Variants in VCL observed in about 807,000 individuals in gnomAD.
The protein encoded by VCL is vinculin, also known as epididymis luminal protein 114.
In VCL, 47 loss-of-function variants were observed where a neutral mutation model predicts 125.7. That is an observed-to-expected ratio of 0.37 (90% confidence interval 0.30 to 0.48). The LOEUF is 0.48. VCL is among the 20% of genes least tolerant of loss of function. The probability of loss-of-function intolerance (pLI) is 0.99; values close to 1 mark genes in which losing one functional copy is unlikely to be tolerated. For missense variants in VCL, 1,069 were observed against 1,455.5 expected (o/e 0.73, Z 4.32); for synonymous variants, 458 against 514.6 (o/e 0.89, Z 1.49).
At chr10:74,056,070 A>G (rs1235160716) in intron 2 of VCL, among the ~76,000 whole-genome samples, 1 of 152,038 alleles carries the variant, frequency 6.6e-6, no homozygotes, top group East Asian at 1.9e-4. Context: ...TCAGTTATCA[A>G]TTGACTTGGA....
At chr10:74,088,754 TA>T (rs533748509) in intron 8 of VCL, among the ~76,000 whole-genome samples, 135 of 152,326 alleles carry the variant, frequency 8.9e-4, no homozygotes, top group African/African-American at 3.2e-3. Flanking sequence ...TCATTAACAC[TA>T]TGCGTGCTTC....
Position 74,076,946 on chromosome 10 carries a change from T to C in VCL, c.783+2043T>C, listed in dbSNP as rs534557180. The C allele has an allele frequency of 2.0e-5, 3 of 152,784 alleles. No individual in the cohort carries two copies. The South Asian group carries it at 6.2e-4, about 32-fold the overall frequency. The allele number at this position is 152,784 out of a possible 1,614,324, so 9.5% of individuals were successfully genotyped here. A position where few individuals can be genotyped will look rare whatever the true frequency, so the allele number is the denominator to read the frequency against. ...AGTGAATAAATGTTATTGAACTTTATTTTGTGCAAGTGCCATCAAGAGCTG... is the reference window on the plus strand; with the variant it reads ...AGTGAATAAATGTTATTGAACTTTACTTTGTGCAAGTGCCATCAAGAGCTG... On this transcript the variant is annotated intron_variant, in intron 6 of 21. Transcript: ENST00000211998.
intron 1 of VCL, among the ~76,000 whole-genome samples, chr10:74,031,244 A>C (rs1295136481): frequency 6.6e-6 from 1 of 151,554 alleles, no homozygotes; most frequent in South Asian, 2.1e-4. Flanking sequence ...TGCTTCCCCC[A>C]CCACCCCCCT....
chr10:74,116,219 C>A (rs1391573806), intron 21 of VCL, among the ~76,000 whole-genome samples: 1 of 152,210 alleles, frequency 6.6e-6, no homozygotes, highest in Non-Finnish European at 1.5e-5. Context: ...ATAAGGCGGC[C>A]ATTCTTCTTG....
At position 74,082,337 on chromosome 10, in the gene VCL, G is replaced by A. The variant is rs1041390995; in HGVS notation, c.784-117G>A. On this transcript the variant is annotated intron_variant, in intron 6 of 21. Transcript: ENST00000211998. ...TGGTGACAATATTTTTAAGGCCTTC[G>A]TAGGACTGACTACCTTAGCTATGTA... The A allele has an allele frequency of 1.3e-5, 14 of 1,063,782 alleles. No homozygotes were observed. The South Asian group carries it at 1.3e-4, about 10-fold the overall frequency. 65.9% of individuals were successfully genotyped at this position (1,063,782 alleles called of 1,614,324 possible). A position where few individuals can be genotyped will look rare whatever the true frequency, so the allele number is the denominator to read the frequency against.
chr10:74,033,919 T>C (rs1840928293), intron 1 of VCL, among the ~76,000 whole-genome samples: 1 of 152,184 alleles, frequency 6.6e-6, no homozygotes, highest in Non-Finnish European at 1.5e-5. Context: ...CTGCCTTTTT[T>C]ACACCTGCCC....
intron 1 of VCL, 32 bp from the exon 2 acceptor site, chr10:74,043,051 T>C: frequency 6.3e-7 from 1 of 1,581,698 alleles, no homozygotes; most frequent in East Asian, 2.2e-5. Flanking sequence ...TGAGAATTTA[T>C]ATTTGAATTA....
chr10:74,048,329 G>A (rs1304811408), intron 2 of VCL, among the ~76,000 whole-genome samples: 1 of 152,064 alleles, frequency 6.6e-6, no homozygotes, highest in Non-Finnish European at 1.5e-5. Flanking sequence ...CTAGCCGGGC[G>A]TGGTGGCACA....
intron 15 of VCL, chr10:74,104,793 TG>T: frequency 2.0e-6 from 1 of 509,136 alleles, no homozygotes. Context: ...TCTGGTTGTC[TG>T]GGGTGGATAC....
At chr10:74,015,831 TCCA>T (rs754000015) in intron 1 of VCL, among the ~76,000 whole-genome samples, 31 of 151,886 alleles carry the variant, frequency 2.0e-4, no homozygotes, top group Non-Finnish European at 3.4e-4. Context: ...ATTACAGTCA[TCCA>T]CCACCACATC....
At chr10:74,008,427 C>T (rs1252331550) in intron 1 of VCL, among the ~76,000 whole-genome samples, 1 of 152,188 alleles carries the variant, frequency 6.6e-6, no homozygotes, top group Non-Finnish European at 1.5e-5. Flanking sequence ...ATGTTACCTT[C>T]TATCTGAAAG....
chr10:74,036,384 G>A (rs1840977849), intron 1 of VCL, among the ~76,000 whole-genome samples: 1 of 151,900 alleles, frequency 6.6e-6, no homozygotes, highest in African/African-American at 2.4e-5. Context: ...TATATATTTA[G>A]TAGAGACAGG....
chr10:74,017,385 T>C (rs1840568723), intron 1 of VCL, among the ~76,000 whole-genome samples: 1 of 151,704 alleles, frequency 6.6e-6, no homozygotes, highest in South Asian at 2.1e-4. Flanking sequence ...CCATTGTATG[T>C]GCATACCACA....
At chr10:74,084,767 C>T (rs1839740936) in intron 8 of VCL, among the ~76,000 whole-genome samples, 1 of 151,896 alleles carries the variant, frequency 6.6e-6, no homozygotes, top group Admixed American at 6.6e-5. Context: ...AATGCGCCAC[C>T]ATGCCCGGCT....
Position 74,118,712 on chromosome 10 carries a change from G to A in VCL, c.*543G>A, listed in dbSNP as rs755916187. ...GTCCTTTTCAGAAGTGAGCTTTGCT[G>A]CTACAGGGGAAGGTGGCCTCTGTGG... On this transcript the variant is annotated 3_prime_UTR_variant, in exon 22 of 22. Coordinates refer to ENST00000211998, the MANE Select transcript of VCL (RefSeq NM_014000.3). 3.4e-5 allele frequency: 6 copies of A among 175,060 alleles called. No individual in the cohort carries two copies. Among genetic ancestry groups the A allele is most frequent in the Non-Finnish European group, 5.0e-5 (4 of 80,034 alleles). 10.8% of individuals were successfully genotyped at this position (175,060 alleles called of 1,614,324 possible). A position where few individuals can be genotyped will look rare whatever the true frequency, so the allele number is the denominator to read the frequency against.
At chr10:74,095,581 A>G (rs1839955332) in intron 11 of VCL, 75 bp from the exon 12 acceptor site, 1 of 1,592,406 alleles carries the variant, frequency 6.3e-7, no homozygotes. Flanking sequence ...GCAAGACGCC[A>G]CATCGCACCA....
At chr10:74,088,238 A>G (rs948009295) in intron 8 of VCL, among the ~76,000 whole-genome samples, 1 of 152,230 alleles carries the variant, frequency 6.6e-6, no homozygotes, top group African/African-American at 2.4e-5. Context: ...TGTGACTTGG[A>G]AAGTAAATAA....
intron 8 of VCL, among the ~76,000 whole-genome samples, chr10:74,087,355 T>TC (rs1839799165): frequency 6.9e-6 from 1 of 145,158 alleles, no homozygotes; most frequent in Non-Finnish European, 1.5e-5. Flanking sequence ...TTTTTTTTTT[T>TC]CTTTTTTTGA....
rs543501836 is a variant in VCL at position 74,114,339 on chromosome 10, G to A, written c.3105G>A (p.Glu1035=). 2 of 1,614,004 alleles carry A rather than the reference G, an allele frequency of 1.2e-6. No homozygotes were observed. The highest frequency in any genetic ancestry group is 1.1e-5 in the South Asian group (1 of 91,066). The part of the protein sequence containing the change: ...ASDEVTRLAK[E]VAKQCTDKRI... ...ATGAGGTGACTCGGTTGGCCAAGGAGGTTGCCAAGCAGTGCACAGATAAAC... is the reference window on the plus strand; with the variant it reads ...ATGAGGTGACTCGGTTGGCCAAGGAAGTTGCCAAGCAGTGCACAGATAAAC... The change falls in exon 20 of 22, where the codon GAG becomes GAA. Residue 1035 remains glutamate (E), a synonymous_variant. Transcript: ENST00000211998.
Sources: allele counts gnomAD v4.1 joint callset (sites outside exome capture counted in the v4.1 genomes callset), GRCh38; gene constraint gnomAD v4.1.1; transcripts MANE v1.5; gene names NCBI Gene and HGNC (gene_info 2026-07-23, HGNC 2026-07-21).